Variants in LMO7 observed in about 807,000 individuals in gnomAD.
The protein encoded by LMO7 is LIM domain 7.
Under a neutral mutation model 206.5 loss-of-function variants are expected in LMO7, and 120 were observed. That is an observed-to-expected ratio of 0.58 (90% CI 0.50 to 0.68). The LOEUF is 0.68. Among genes scored for constraint, LMO7 ranks in the 30% least tolerant of loss-of-function variants. The pLI is 0.00. For missense variants in LMO7, 1,959 were observed against 1,957.9 expected, an observed-to-expected ratio of 1.00 and a Z score of -0.01; for synonymous variants, 706 against 681.5, an observed-to-expected ratio of 1.04 and a Z score of -0.56.
At chr13:75,826,833 T>C (rs1051683802) in intron 15 of LMO7, among the ~76,000 whole-genome samples, 2 of 152,216 alleles carry the variant, frequency 1.3e-5, no homozygotes, top group African/African-American at 4.8e-5. Context: ...TATCATGTTA[T>C]GCTATCATGC....
intron 3 of LMO7, among the ~76,000 whole-genome samples, chr13:75,756,071 A>T (rs2047663337): frequency 6.6e-6 from 1 of 152,218 alleles, no homozygotes; most frequent in African/African-American, 2.4e-5. Context: ...AATAAGGCCT[A>T]AAAAGGAGTT....
intron 3 of LMO7, among the ~76,000 whole-genome samples, chr13:75,744,714 A>G (rs1033099547): frequency 2.0e-5 from 3 of 152,208 alleles, no homozygotes; most frequent in African/African-American, 7.2e-5. Context: ...TTTATTGAAC[A>G]TCTACTATGT....
intron 11 of LMO7, among the ~76,000 whole-genome samples, chr13:75,815,186 A>G (rs956577014): frequency 2.6e-5 from 4 of 152,128 alleles, no homozygotes; most frequent in Non-Finnish European, 4.4e-5. Flanking sequence ...AATAATTGTA[A>G]TAATCTGGGT....
intron 2 of LMO7, among the ~76,000 whole-genome samples, chr13:75,629,142 G>A (rs553099845): frequency 9.9e-5 from 15 of 152,228 alleles, no homozygotes; most frequent in African/African-American, 3.1e-4. Flanking sequence ...AGAATTATCC[G>A]ACCCAGATTG....
At chr13:75,660,525 A>G (rs560410950) in intron 1 of LMO7, among the ~76,000 whole-genome samples, 70 of 152,068 alleles carry the variant, frequency 4.6e-4, no homozygotes, top group Middle Eastern at 3.4e-3. Context: ...GCATTTTCCA[A>G]CTTCTTGATT....
At chr13:75,836,167 G>A (rs903518161) in intron 18 of LMO7, among the ~76,000 whole-genome samples, 21 of 151,998 alleles carry the variant, frequency 1.4e-4, no homozygotes, top group Admixed American at 5.2e-4. Context: ...ATTAATGATC[G>A]ATTAAACTTA....
chr13:75,671,387 A>G (rs2039566121), intron 1 of LMO7, among the ~76,000 whole-genome samples: 1 of 152,178 alleles, frequency 6.6e-6, no homozygotes, highest in Admixed American at 6.5e-5. Context: ...GCATTGCACT[A>G]TGATAGTGTG....
rs528181573 is a variant in LMO7, at chr13:75,695,787, A to G, written c.70-17395A>G. ...GCTTCAAAACCAGTTTTGTAGAAACACATCAGAAGCTCTCGTGTATTTAAT... is the reference window on the plus strand; with the variant it reads ...GCTTCAAAACCAGTTTTGTAGAAACGCATCAGAAGCTCTCGTGTATTTAAT... On this transcript the variant is annotated intron_variant, in intron 1 of 30. Coordinates refer to ENST00000377534, the MANE Select transcript of LMO7 (RefSeq NM_001306080.2). Among the ~76,000 whole-genome samples the G allele has an allele frequency of 3.9e-5, 6 of 152,380 alleles. No individual in the cohort carries two copies. In the South Asian group the frequency reaches 1.0e-3, roughly 26 times the overall value.
chr13:75,831,368 T>C (rs548928119), intron 15 of LMO7, among the ~76,000 whole-genome samples: 2 of 152,166 alleles, frequency 1.3e-5, no homozygotes, highest in African/African-American at 4.8e-5. Context: ...TGTCAAACAA[T>C]TGAATGAGTG....
At chr13:75,678,295 C>T (rs2040196834) in intron 1 of LMO7, among the ~76,000 whole-genome samples, 1 of 152,208 alleles carries the variant, frequency 6.6e-6, no homozygotes, top group Admixed American at 6.5e-5. Flanking sequence ...ATATCCTCTC[C>T]AGCACCTGTT....
rs544665969 is a variant in LMO7 at position 75,777,770 on chromosome 13, C to T, written c.317+16732C>T. On this transcript the variant is annotated intron_variant, in intron 4 of 30. Coordinates refer to ENST00000377534, the MANE Select transcript of LMO7 (RefSeq NM_001306080.2). ...ATGCCATTTCCCTGCCTCAGCCTCCCGAGTAGCTGGGACTACAGGCGCCTG... is the reference window on the plus strand; with the variant it reads ...ATGCCATTTCCCTGCCTCAGCCTCCTGAGTAGCTGGGACTACAGGCGCCTG... Among the ~76,000 whole-genome samples the T allele has an allele frequency of 2.6e-5, 4 of 151,800 alleles. No homozygotes were observed. The East Asian group carries it at 5.8e-4, about 22-fold the overall frequency.
intron 27 of LMO7, among the ~76,000 whole-genome samples, chr13:75,852,614 T>C (rs1380368147): frequency 3.3e-5 from 5 of 152,216 alleles, no homozygotes; most frequent in African/African-American, 1.2e-4. Flanking sequence ...CAACTTTCAG[T>C]GGTTCGACTT....
At chr13:75,659,539 C>T (rs2038375826) in intron 1 of LMO7, among the ~76,000 whole-genome samples, 2 of 152,114 alleles carry the variant, frequency 1.3e-5, no homozygotes, top group South Asian at 4.2e-4. Flanking sequence ...GAGGAAGAAG[C>T]AAAAGTGGAA....
chr13:75,719,797 T>C (rs1347540020), intron 2 of LMO7, among the ~76,000 whole-genome samples: 1 of 152,184 alleles, frequency 6.6e-6, no homozygotes, highest in African/African-American at 2.4e-5. Flanking sequence ...AATGGACTAA[T>C]ACAATCCATG....
chr13:75,826,052 A>AT (rs2058085115), intron 15 of LMO7, among the ~76,000 whole-genome samples: 1 of 151,220 alleles, frequency 6.6e-6, no homozygotes. Context: ...TAATTAATTG[A>AT]TTTTTTTAGA....
At position 75,843,711 on chromosome 13, in the gene LMO7, AT is replaced by A. The variant is rs548896172; in HGVS notation, c.4097+800del. On this transcript the variant is annotated intron_variant, in intron 25 of 30. Transcript: ENST00000377534. ...AACATTGTTTTAATGTTTTAAAGCA[AT>A]TTTTAAAATGCTTTGCAGTTTTGAA... Among the ~76,000 whole-genome samples, 484 of 152,324 alleles carry A rather than the reference AT, an allele frequency of 3.2e-3. 2 individuals are homozygous for A. Among genetic ancestry groups the A allele is most frequent in the African/African-American group, 0.011 (445 of 41,578 alleles).
At position 75,821,223 on chromosome 13, in the gene LMO7, T is replaced by C. The variant is rs1364137145; in HGVS notation, c.2254T>C (p.Tyr752His). Residue 752 changes from tyrosine (Y) to histidine (H), a missense_variant, in exon 14 of 31, where the codon TAT (tyrosine) becomes CAT (histidine). Transcript: ENST00000377534. ...KSTVPSRRRM[Y>H]SFDDVLEEGK... Reference sequence around the variant, plus strand: ...TACAGTTCCGTCAAGAAGGAGAATGTATTCTTTTGATGATGTGCTGGAGGA... The same window carrying C: ...TACAGTTCCGTCAAGAAGGAGAATGCATTCTTTTGATGATGTGCTGGAGGA... 1 of 1,612,790 alleles carries C rather than the reference T, an allele frequency of 6.2e-7. No individual in the cohort carries two copies. The highest frequency in any genetic ancestry group is 2.2e-5 in the East Asian group (1 of 44,866).
chr13:75,740,188 G>A (rs145710583), intron 3 of LMO7, among the ~76,000 whole-genome samples: 2 of 152,304 alleles, frequency 1.3e-5, no homozygotes, highest in East Asian at 3.9e-4. Context: ...GTGATACAGA[G>A]GGTTGCTCTG....
At chr13:75,623,707 G>A (rs9573592) in intron 2 of LMO7, among the ~76,000 whole-genome samples, 22,080 of 151,938 alleles carry the variant, frequency 0.15, 2,007 homozygotes, top group East Asian at 0.29. Context: ...ATTTATTTTA[G>A]GTATCATCAA....
Sources: gnomAD v4.1 joint callset for allele counts (sites outside exome capture counted in the v4.1 genomes callset) on GRCh38, gnomAD v4.1.1 for gene constraint, MANE v1.5 for transcripts, NCBI Gene and HGNC (gene_info 2026-07-23, HGNC 2026-07-21) for gene names.